The following PRKCH variants were observed in gnomAD, a reference collection of about 807,000 sequenced individuals.
PRKCH encodes protein kinase C eta type.
In PRKCH, 28 loss-of-function variants were observed where a neutral mutation model predicts 82.5. The observed-to-expected ratio is 0.34, with a 90% CI of 0.25 to 0.47. PRKCH has a LOEUF of 0.47. Ranked by LOEUF, PRKCH falls within the 20% of genes least tolerant of loss-of-function variation. PRKCH has a pLI of 1.00. For missense variants in PRKCH, 705 were observed against 881.8 expected, an observed-to-expected ratio of 0.80 and a Z score of 2.54; for synonymous variants, 322 against 327.4, an observed-to-expected ratio of 0.98 and a Z score of 0.18.
At chr14:61,549,062 T>A (rs2043295346) in intron 13 of PRKCH, among the ~76,000 whole-genome samples, 1 of 152,122 alleles carries the variant, frequency 6.6e-6, no homozygotes, top group Non-Finnish European at 1.5e-5. Flanking sequence ...GGTAAAGCCG[T>A]TCCTTCAATG....
chr14:61,385,869 C>T (rs1374144457), intron 1 of PRKCH, among the ~76,000 whole-genome samples: 1 of 152,170 alleles, frequency 6.6e-6, no homozygotes, highest in Non-Finnish European at 1.5e-5. Context: ...CAGCAGTAGT[C>T]TTCATAACAG....
At chr14:61,450,296 T>C (rs1188439391) in intron 5 of PRKCH, among the ~76,000 whole-genome samples, 1 of 152,184 alleles carries the variant, frequency 6.6e-6, no homozygotes, top group African/African-American at 2.4e-5. Context: ...TTAACTCAGA[T>C]TGTCAGATTG....
chr14:61,445,188 G>T (rs1884161994), intron 3 of PRKCH, among the ~76,000 whole-genome samples: 1 of 152,232 alleles, frequency 6.6e-6, no homozygotes, highest in South Asian at 2.1e-4. Context: ...TGGGCCTGAA[G>T]GGCATATTGT....
At chr14:61,229,909 C>A (rs1239744225) in intron 1 of PRKCH, among the ~76,000 whole-genome samples, 1 of 152,184 alleles carries the variant, frequency 6.6e-6, no homozygotes, top group Non-Finnish European at 1.5e-5. Context: ...AACATTCCAA[C>A]CCCCTCTGCT....
intron 2 of PRKCH, among the ~76,000 whole-genome samples, chr14:61,422,631 G>A (rs1473917912): frequency 6.6e-6 from 1 of 152,166 alleles, no homozygotes; most frequent in Non-Finnish European, 1.5e-5. Flanking sequence ...CAGCACCCTG[G>A]ACATGCATAC....
At chr14:61,216,750 A>G (rs1020856444) in intron 1 of PRKCH, among the ~76,000 whole-genome samples, 1 of 152,232 alleles carries the variant, frequency 6.6e-6, no homozygotes, top group African/African-American at 2.4e-5. Flanking sequence ...CGGCTCGAAC[A>G]TGAGAGAAAG....
chr14:61,385,222 A>G (rs929966217), intron 1 of PRKCH, among the ~76,000 whole-genome samples: 1 of 151,272 alleles, frequency 6.6e-6, no homozygotes, highest in Non-Finnish European at 1.5e-5. Flanking sequence ...GTTCTATTAG[A>G]CACTCTGTCA....
chr14:61,505,153 G>A (rs897074951), intron 10 of PRKCH, among the ~76,000 whole-genome samples: 7 of 152,142 alleles, frequency 4.6e-5, no homozygotes, highest in Admixed American at 2.0e-4. Flanking sequence ...AATGTCTGAA[G>A]TATTTCTTAC....
intron 1 of PRKCH, among the ~76,000 whole-genome samples, chr14:61,259,672 A>G (rs2045029537): frequency 1.3e-5 from 2 of 152,178 alleles, no homozygotes; most frequent in Non-Finnish European, 2.9e-5. Context: ...CTGGTCAATT[A>G]ATCTTTTCAA....
chr14:61,310,562 C>T (rs1424597091), intron 1 of PRKCH, among the ~76,000 whole-genome samples: 1 of 152,238 alleles, frequency 6.6e-6, no homozygotes, highest in East Asian at 1.9e-4. Flanking sequence ...CTTCAAGGTA[C>T]AGCTCCCTTC....
In PRKCH at chr14:61,485,494, G is replaced by A. The variant is rs1886178166; in HGVS notation, c.1279-8G>A. On this transcript the variant is annotated splice_polypyrimidine_tract_variant and splice_region_variant and intron_variant, in intron 9 of 13. Coordinates refer to ENST00000332981, the MANE Select transcript of PRKCH (RefSeq NM_006255.5). ...CCACATTGGGCCCTCTCTTGTGTTT[G>A]TATCCAGGATCGTCTGTTTTTTGTG... 1 of 1,613,238 alleles carries A rather than the reference G, an allele frequency of 6.2e-7. No homozygotes were observed.
At chr14:61,368,832 CT>C (rs1427108297) in intron 1 of PRKCH, among the ~76,000 whole-genome samples, 1 of 152,070 alleles carries the variant, frequency 6.6e-6, no homozygotes, top group Non-Finnish European at 1.5e-5. Context: ...ATTATAGGCA[CT>C]CAAAGTGCAG....
chr14:61,524,657 T>C lies in PRKCH; in HGVS notation c.1434-4418T>C, dbSNP rs141658065. On this transcript the variant is annotated intron_variant, in intron 10 of 13. Transcript: ENST00000332981. ...AAAAAATAAAGGCATGATTTCCCTT[T>C]AGAGTGGAAGCTGACCATGACTGTA... 4.9e-4 allele frequency among the ~76,000 whole-genome samples: 74 copies of C among 152,304 alleles called. No homozygotes were observed. The East Asian group carries it at 0.014, about 28-fold the overall frequency.
At chr14:61,188,494 C>A (rs1434352393) in intron 1 of PRKCH, among the ~76,000 whole-genome samples, 1 of 152,034 alleles carries the variant, frequency 6.6e-6, no homozygotes, top group Non-Finnish European at 1.5e-5. Flanking sequence ...GCTCCGCAAC[C>A]CAACCTCTTC....
At position 61,424,079 on chromosome 14, in the gene PRKCH, C is replaced by G. The variant is rs142801981; in HGVS notation, c.428-19032C>G. ...CTTTCTCACCTGCTGTCATGTAAGA[C>G]ATATCTGCTTCCCCTTATGCCATGA... On this transcript the variant is annotated intron_variant, in intron 2 of 13. Transcript: ENST00000332981. 2.0e-3 allele frequency among the ~76,000 whole-genome samples: 311 copies of G among 152,360 alleles called. 2 individuals are homozygous for G. The highest frequency in any genetic ancestry group is 6.9e-3 in the African/African-American group (286 of 41,588).
chr14:61,453,951 T>G (rs1884639937), intron 7 of PRKCH, among the ~76,000 whole-genome samples: 1 of 152,092 alleles, frequency 6.6e-6, no homozygotes. Context: ...TGAGCCACTG[T>G]GTCTGGCTGA....
intron 9 of PRKCH, 55 bp from the exon 10 acceptor site, chr14:61,485,447 G>A (rs1399676746): frequency 6.3e-7 from 1 of 1,577,330 alleles, no homozygotes; most frequent in East Asian, 2.2e-5. Context: ...GCTGCTGATG[G>A]AGCTCTAGGT....
chr14:61,519,804 G>T (rs1239455960), intron 10 of PRKCH, among the ~76,000 whole-genome samples: 2 of 151,736 alleles, frequency 1.3e-5, no homozygotes, highest in Non-Finnish European at 2.9e-5. Flanking sequence ...ACATTGTGGG[G>T]CTATTGAAAA....
Position 61,220,665 on chromosome 14 carries a change from A to G in PRKCH, c.-19+32997A>G, listed in dbSNP as rs2044648976. On this transcript the variant is annotated intron_variant, in intron 1 of 3. Coordinates refer to the PRKCH transcript ENST00000555185. Reference sequence around the variant, plus strand: ...AAACGACGAGAGGAAAATTGTTAGCATGGTGCATAAGGCAGTCTAGTCTGC... The same window carrying G: ...AAACGACGAGAGGAAAATTGTTAGCGTGGTGCATAAGGCAGTCTAGTCTGC... Among the ~76,000 whole-genome samples, 4 of 152,224 alleles carry G rather than the reference A, an allele frequency of 2.6e-5. 1 individual carries two copies. The South Asian group carries it at 8.3e-4, about 32-fold the overall frequency.
Sources: allele counts gnomAD v4.1 joint callset (sites outside exome capture counted in the v4.1 genomes callset), GRCh38; gene constraint gnomAD v4.1.1; transcripts MANE v1.5; gene names NCBI Gene and HGNC (gene_info 2026-07-23, HGNC 2026-07-21).